Variants in ANO6 observed in about 807,000 individuals in gnomAD.
ANO6 encodes the protein anoctamin-6.
In ANO6, 106 loss-of-function variants were observed where a neutral mutation model predicts 117.5. The ratio of observed to expected loss-of-function variants is 0.90; its 90% confidence interval spans 0.77 to 1.06. The LOEUF is 1.06. Ranked by LOEUF, ANO6 falls within the 50% of genes least tolerant of loss-of-function variation. The pLI is 0.00. For synonymous variants in ANO6, 367 were observed against 385.1 expected (o/e 0.95, Z 0.55); for missense variants, 955 against 1,121.1 (o/e 0.85, Z 2.12).
chr12:45,229,493 G>A (rs1168611034), intron 1 of ANO6, among the ~76,000 whole-genome samples: 2 of 149,132 alleles, frequency 1.3e-5, no homozygotes, highest in African/African-American at 4.9e-5. Flanking sequence ...GGGTTCAAGC[G>A]AGTCTCCTGC....
At chr12:45,314,438 A>C (rs909412975) in intron 2 of ANO6, among the ~76,000 whole-genome samples, 1 of 40,694 alleles carries the variant, frequency 2.5e-5, no homozygotes, top group Non-Finnish European at 7.3e-5. Flanking sequence ...ATGAGACCTT[A>C]TCTCTACAAA....
chr12:45,220,365 A>G (rs1158997074), intron 1 of ANO6, among the ~76,000 whole-genome samples: 2 of 152,118 alleles, frequency 1.3e-5, no homozygotes, highest in Non-Finnish European at 2.9e-5. Flanking sequence ...AGAGATAATG[A>G]TCCAGCTATT....
intron 2 of ANO6, among the ~76,000 whole-genome samples, chr12:45,319,701 C>G (rs933656362): frequency 5.3e-5 from 8 of 152,242 alleles, no homozygotes; most frequent in African/African-American, 1.9e-4. Context: ...GGTACCAGTT[C>G]CTCCTTGTAC....
At chr12:45,360,966 CTTTA>C (rs1176239960) in intron 8 of ANO6, among the ~76,000 whole-genome samples, 2 of 152,196 alleles carry the variant, frequency 1.3e-5, no homozygotes, top group African/African-American at 4.8e-5. Flanking sequence ...AAGTACCACA[CTTTA>C]TTTATCACTG....
chr12:45,346,458 G>A (rs1941134640), intron 3 of ANO6, among the ~76,000 whole-genome samples: 1 of 152,068 alleles, frequency 6.6e-6, no homozygotes, highest in Admixed American at 6.5e-5. Flanking sequence ...TTTAGACATA[G>A]CTTCACAAAC....
intron 1 of ANO6, among the ~76,000 whole-genome samples, chr12:45,273,655 T>C (rs1275403506): frequency 6.6e-6 from 1 of 152,248 alleles, no homozygotes; most frequent in East Asian, 1.9e-4. Flanking sequence ...AGAATGGTTC[T>C]GTTCTGCTCC....
At chr12:45,245,693 C>T (rs1290460685) in intron 1 of ANO6, among the ~76,000 whole-genome samples, 1 of 151,982 alleles carries the variant, frequency 6.6e-6, no homozygotes, top group Non-Finnish European at 1.5e-5. Context: ...TTGTTTTTCT[C>T]ATTGTAAAGT....
rs1943599747 is a variant in ANO6, at chr12:45,430,164, CAG to C, written c.*854_*855del. On this transcript the variant is annotated 3_prime_UTR_variant, in exon 20 of 20. Transcript: ENST00000320560. ...TAAAGATGTGTAGTTTCTTGGAAAA[CAG>C]TGATATCACATGATTAAAATTACAT... is the stretch of plus-strand genomic sequence containing the variant. 1.0e-6 allele frequency: 1 copy of C among 985,414 alleles called. No individual in the cohort carries two copies. Among genetic ancestry groups the C allele is most frequent in the African/African-American group, 1.7e-5 (1 of 57,362 alleles). The allele number at this position is 985,414 out of a possible 1,614,324, so 61.0% of individuals were successfully genotyped here.
intron 2 of ANO6, among the ~76,000 whole-genome samples, chr12:45,325,789 A>G (rs1592969060): frequency 6.6e-6 from 1 of 152,070 alleles, no homozygotes; most frequent in Non-Finnish European, 1.5e-5. Context: ...AGCCAAATAT[A>G]TATATATTTA....
At chr12:45,406,624 A>G (rs1942942209) in intron 15 of ANO6, among the ~76,000 whole-genome samples, 2 of 152,282 alleles carry the variant, frequency 1.3e-5, no homozygotes, top group South Asian at 4.1e-4. Context: ...TTAGGAGAAA[A>G]TGTCCCTTCT....
intron 2 of ANO6, among the ~76,000 whole-genome samples, chr12:45,321,601 T>C (rs556450957): frequency 2.6e-5 from 4 of 152,330 alleles, no homozygotes; most frequent in Admixed American, 6.5e-5. Context: ...ATTTTGTCAC[T>C]AACAGGAAAT....
At chr12:45,276,575 G>T (rs999417675) in intron 1 of ANO6, among the ~76,000 whole-genome samples, 2 of 151,964 alleles carry the variant, frequency 1.3e-5, no homozygotes, top group Non-Finnish European at 2.9e-5. Flanking sequence ...GGAGGCTCCT[G>T]TGACCCACCC....
In ANO6 at chr12:45,377,926, G is replaced by C. The variant is rs910122293; in HGVS notation, c.1105-127G>C. 1.1e-5 allele frequency: 9 copies of C among 853,104 alleles called. No individual in the cohort carries two copies. The African/African-American group carries it at 1.2e-4, about 11-fold the overall frequency. 52.8% of individuals were successfully genotyped at this position (853,104 alleles called of 1,614,324 possible). On this transcript the variant is annotated intron_variant, in intron 9 of 19. Transcript: ENST00000320560. ...CATTGAATGATGTATGATCATAGAT[G>C]ATTGTTAAACTAGGCATCACCTTTG...
chr12:45,372,945 G>A (rs1339267418), intron 9 of ANO6, among the ~76,000 whole-genome samples: 2 of 152,190 alleles, frequency 1.3e-5, no homozygotes, highest in Non-Finnish European at 2.9e-5. Context: ...AGACCCATCA[G>A]TGTGCTGTAT....
Position 45,390,499 on chromosome 12 carries a change from G to A in ANO6, c.1386+1G>A, listed in dbSNP as rs1398702796. 3 of 1,612,502 alleles carry A rather than the reference G, an allele frequency of 1.9e-6. No homozygotes were observed. Among genetic ancestry groups the A allele is most frequent in the Non-Finnish European group, 2.5e-6 (3 of 1,178,860 alleles). On this transcript the variant is annotated splice_donor_variant, in intron 12 of 19. Transcript: ENST00000320560. LOFTEE classifies it high-confidence loss of function. ...CTGTGCCAGTGCTGTCTTTTTCTGG[G>A]TAATTCTATCACAAAAATGTTTTGA... is the stretch of plus-strand genomic sequence containing the variant.
In ANO6 at chr12:45,378,118, GTTT is replaced by G. The variant is rs36059278; in HGVS notation, c.1165+19_1165+21del. The G allele has an allele frequency of 1.6e-4, 240 of 1,498,598 alleles. No individual in the cohort carries two copies. The highest frequency in any genetic ancestry group is 6.8e-4 in the Admixed American group (37 of 54,730). 92.8% of individuals were successfully genotyped at this position (1,498,598 alleles called of 1,614,324 possible). A position where few individuals can be genotyped will look rare whatever the true frequency, so the allele number is the denominator to read the frequency against. On this transcript the variant is annotated splice_donor_region_variant and intron_variant, in intron 10 of 19. Coordinates refer to ENST00000320560, the MANE Select transcript of ANO6 (RefSeq NM_001025356.3). ...CAGTATTTATGGGAGTATGGGGTAA[GTTT>G]TTTTTTTTTTTTTCATGCACTCAAT...
At chr12:45,413,191 T>G (rs778669656) in intron 16 of ANO6, among the ~76,000 whole-genome samples, 1 of 152,154 alleles carries the variant, frequency 6.6e-6, no homozygotes, top group Non-Finnish European at 1.5e-5. Context: ...ATATTTTGGA[T>G]GAGATTCGTG....
intron 19 of ANO6, among the ~76,000 whole-genome samples, chr12:45,424,265 T>C (rs915419857): frequency 2.0e-5 from 3 of 151,082 alleles, no homozygotes; most frequent in African/African-American, 7.3e-5. Flanking sequence ...ATAATTCCTT[T>C]GCATTGCTGA....
intron 1 of ANO6, 25 bp downstream of exon 1, chr12:45,216,416 C>G: frequency 3.7e-6 from 6 of 1,604,970 alleles, no homozygotes; most frequent in Non-Finnish European, 5.1e-6. Flanking sequence ...CCCGCGTCCC[C>G]ACCCGAGAGC....
Sources: allele counts gnomAD v4.1 joint callset (sites outside exome capture counted in the v4.1 genomes callset), GRCh38; gene constraint gnomAD v4.1.1; transcripts MANE v1.5; gene names NCBI Gene and HGNC (gene_info 2026-07-23, HGNC 2026-07-21).